NRXN3: variants seen among roughly 807,000 people sequenced by gnomAD.
NRXN3 encodes neurexin III.
NRXN3 carries 32 observed loss-of-function variants against 137.6 expected under a neutral mutation model. That is an observed-to-expected ratio of 0.23 (90% CI 0.18 to 0.31). The LOEUF is 0.31. NRXN3 is among the 10% of genes least tolerant of loss of function. NRXN3 has a pLI of 1.00. For synonymous variants in NRXN3, 798 were observed against 784.5 expected, an observed-to-expected ratio of 1.02 and a Z score of -0.29; for missense variants, 1,574 against 2,062.5, an observed-to-expected ratio of 0.76 and a Z score of 4.59.
chr14:78,180,159 A>C (rs2059686940), intron 1 of NRXN3, among the ~76,000 whole-genome samples: 1 of 152,114 alleles, frequency 6.6e-6, no homozygotes, highest in Non-Finnish European at 1.5e-5. Context: ...GGTTTTTAAA[A>C]TAAACATGGG....
chr14:79,713,212 T>C (rs1358719347), intron 19 of NRXN3, among the ~76,000 whole-genome samples: 1 of 143,564 alleles, frequency 7.0e-6, no homozygotes, highest in African/African-American at 2.6e-5. Context: ...GAAATATCCT[T>C]ATCAGTGGAC....
chr14:78,230,909 C>T (rs2065306269), intron 1 of NRXN3, among the ~76,000 whole-genome samples: 1 of 152,160 alleles, frequency 6.6e-6, no homozygotes, highest in African/African-American at 2.4e-5. Flanking sequence ...GTCATTCTGA[C>T]TGCTGTATGG....
rs368496419 is a variant in NRXN3 at position 78,547,165 on chromosome 14, CT to C, written c.758-97954del. 9.2e-5 allele frequency among the ~76,000 whole-genome samples: 14 copies of C among 151,952 alleles called. No individual in the cohort carries two copies. The South Asian group carries it at 1.3e-3, about 14-fold the overall frequency. On this transcript the variant is annotated intron_variant, in intron 4 of 20. Coordinates refer to ENST00000335750, the MANE Select transcript of NRXN3 (RefSeq NM_001330195.2). Reference sequence around the variant, plus strand: ...GTTGATGATCATGGTCGTATAATGTCTGATATCTATGAAGTCCAGTCTTCTG... The same window carrying C: ...GTTGATGATCATGGTCGTATAATGTCGATATCTATGAAGTCCAGTCTTCTG...
intron 4 of NRXN3, among the ~76,000 whole-genome samples, chr14:78,300,226 C>T (rs2076744156): frequency 1.3e-5 from 2 of 152,174 alleles, no homozygotes; most frequent in Non-Finnish European, 1.5e-5. Flanking sequence ...ACTCTTGGTC[C>T]TCATAACTCA....
intron 6 of NRXN3, among the ~76,000 whole-genome samples, chr14:78,702,350 GT>G (rs1684448603): frequency 6.6e-6 from 1 of 150,402 alleles, no homozygotes; most frequent in Non-Finnish European, 1.5e-5. Context: ...TGATTTTATA[GT>G]TTATTAAATC....
chr14:78,720,005 C>T (rs1467306579), intron 8 of NRXN3, among the ~76,000 whole-genome samples: 1 of 152,030 alleles, frequency 6.6e-6, no homozygotes, highest in East Asian at 1.9e-4. Flanking sequence ...TTTATGATTC[C>T]TGATTCCTAA....
At position 79,130,920 on chromosome 14, in the gene NRXN3, T is replaced by G. The variant is rs1596308133; in HGVS notation, c.3262+142779T>G. On this transcript the variant is annotated intron_variant, in intron 15 of 20. Transcript: ENST00000335750. ...TCTAAACTTCCCTTCTCGCTTCATT[T>G]CATTCACTTCATCTTCCATCGCTGA... 2.0e-5 allele frequency among the ~76,000 whole-genome samples: 3 copies of G among 152,324 alleles called. No individual in the cohort carries two copies. In the East Asian group the frequency reaches 5.8e-4, roughly 29 times the overall value.
At chr14:78,754,506 C>G (rs1006339963) in intron 8 of NRXN3, among the ~76,000 whole-genome samples, 2 of 152,234 alleles carry the variant, frequency 1.3e-5, no homozygotes, top group East Asian at 3.8e-4. Flanking sequence ...ATGCAGATCT[C>G]AGTTTCAAGG....
chr14:79,169,813 G>C (rs565311717), intron 15 of NRXN3, among the ~76,000 whole-genome samples: 1 of 152,228 alleles, frequency 6.6e-6, no homozygotes, highest in African/African-American at 2.4e-5. Flanking sequence ...GCCCAGGTAA[G>C]GAAGAAGAAT....
chr14:78,618,920 T>G (rs932522270), intron 4 of NRXN3, among the ~76,000 whole-genome samples: 2 of 152,256 alleles, frequency 1.3e-5, no homozygotes, highest in Non-Finnish European at 2.9e-5. Flanking sequence ...TTAGGAATTT[T>G]GCTTCTTTCT....
chr14:78,775,358 T>C (rs771487294), intron 8 of NRXN3, among the ~76,000 whole-genome samples: 5 of 152,226 alleles, frequency 3.3e-5, no homozygotes, highest in Non-Finnish European at 7.3e-5. Flanking sequence ...GTATCATGGT[T>C]AAGAGCAACT....
At chr14:79,854,692 T>C (rs2293846) in intron 20 of NRXN3, among the ~76,000 whole-genome samples, 64,713 of 151,994 alleles carry the variant, frequency 0.43, 14,366 homozygotes, top group East Asian at 0.56. Flanking sequence ...GCCTGTACCC[T>C]AGAAGAAAAT....
chr14:79,535,521 C>T (rs183978155), intron 16 of NRXN3, among the ~76,000 whole-genome samples: 1 of 152,058 alleles, frequency 6.6e-6, no homozygotes, highest in Admixed American at 6.6e-5. Flanking sequence ...TTTCTCTCCT[C>T]TCTCCAATTG....
chr14:79,220,163 T>G (rs572858241), intron 15 of NRXN3, among the ~76,000 whole-genome samples: 1 of 152,340 alleles, frequency 6.6e-6, no homozygotes, highest in African/African-American at 2.4e-5. Context: ...AAGATCTGCT[T>G]TTCTGTTTAA....
chr14:79,531,317 T>A (rs907435980), intron 16 of NRXN3, among the ~76,000 whole-genome samples: 3 of 152,196 alleles, frequency 2.0e-5, no homozygotes, highest in African/African-American at 7.2e-5. Flanking sequence ...TGGAGTTTGT[T>A]GCTTTGGATT....
intron 15 of NRXN3, among the ~76,000 whole-genome samples, chr14:79,464,796 A>T (rs956572876): frequency 6.6e-6 from 1 of 152,312 alleles, no homozygotes; most frequent in Non-Finnish European, 1.5e-5. Flanking sequence ...TGAAAGTGGT[A>T]CTATTTAAAT....
intron 8 of NRXN3, among the ~76,000 whole-genome samples, chr14:78,732,974 G>A (rs113597489): frequency 8.5e-5 from 13 of 152,050 alleles, no homozygotes; most frequent in African/African-American, 2.9e-4. Flanking sequence ...TTCTACTTGA[G>A]GTTTTCTCAG....
chr14:79,692,179 C>T lies in NRXN3; in HGVS notation c.3623C>T (p.Thr1208Ile). The T allele has an allele frequency of 6.2e-7, 1 of 1,605,980 alleles. No homozygotes were observed. The highest frequency in any genetic ancestry group is 8.5e-7 in the Non-Finnish European group (1 of 1,176,494). ...TGTTTTTTAAACTTTAAAGGCAACACTGATAATGAACGCTTCCAAATGGTA... is the reference window on the plus strand; with the variant it reads ...TGTTTTTTAAACTTTAAAGGCAACATTGATAATGAACGCTTCCAAATGGTA... ...PVNEHYPTGNTDNERFQMVKQ... is the reference protein window; with the variant it reads ...PVNEHYPTGNIDNERFQMVKQ... The change falls in exon 18 of 21, where the codon ACT becomes ATT. Residue 1208 changes from threonine to isoleucine, a missense_variant. Around this residue, in one of 5 missense-constraint regions of NRXN3, gnomAD observed 133 missense variants for 241.8 expected, o/e 0.55. Transcript: ENST00000335750.
intron 4 of NRXN3, among the ~76,000 whole-genome samples, chr14:78,633,404 T>A (rs971306987): frequency 2.0e-5 from 3 of 152,168 alleles, no homozygotes; most frequent in Admixed American, 6.5e-5. Context: ...GTTTCTTGAA[T>A]CAGGTCACCG....
Sources: gnomAD v4.1 joint callset for allele counts (sites outside exome capture counted in the v4.1 genomes callset) on GRCh38, gnomAD v4.1.1 for gene constraint, gnomAD v4.1.1 regional missense constraint, MANE v1.5 for transcripts, NCBI Gene and HGNC (gene_info 2026-07-23, HGNC 2026-07-21) for gene names.